SP140L: variants seen among roughly 807,000 people sequenced by gnomAD.
SP140L encodes the protein SP140 like nuclear body protein.
SP140L carries 64 observed loss-of-function variants against 84.3 expected under a neutral mutation model. The ratio of observed to expected loss-of-function variants is 0.76; its 90% CI spans 0.62 to 0.94. The LOEUF is 0.94. Among genes scored for constraint, SP140L ranks in the 40% least tolerant of loss-of-function variants. The probability of loss-of-function intolerance (pLI) is 0.00; values close to 1 mark genes in which losing one functional copy is unlikely to be tolerated. For synonymous variants in SP140L, 242 were observed against 236.9 expected, an observed-to-expected ratio of 1.02 and a Z score of -0.20; for missense variants, 628 against 692.5, an observed-to-expected ratio of 0.91 and a Z score of 1.05.
At position 230,334,577 on chromosome 2, in the gene SP140L, T is replaced by C. The variant is rs533496034; in HGVS notation, c.107+5746T>C. Among the ~76,000 whole-genome samples the C allele has an allele frequency of 5.3e-4, 81 of 152,360 alleles. 2 individuals are homozygous for C. In the South Asian group the frequency reaches 0.017, roughly 31 times the overall value. On this transcript the variant is annotated intron_variant, in intron 2 of 18. Transcript: ENST00000415673. ...CACATGATTTTTTCATCCATTCCAG[T>C]GTTGGATTTACATGTATTTTATTGT...
intron 2 of SP140L, among the ~76,000 whole-genome samples, chr2:230,329,143 C>T (rs1298813586): frequency 6.6e-6 from 1 of 152,180 alleles, no homozygotes; most frequent in Non-Finnish European, 1.5e-5. Flanking sequence ...GATGCACCCT[C>T]ATTATAAATA....
Position 230,357,887 on chromosome 2 carries a change from A to T in SP140L, c.190A>T (p.Ile64Leu). 6.2e-7 allele frequency: 1 copy of T among 1,614,136 alleles called. No individual in the cohort carries two copies. The highest frequency in any genetic ancestry group is 8.5e-7 in the Non-Finnish European group (1 of 1,179,952). Residue 64 changes from isoleucine (I) to leucine (L), a missense_variant, in exon 3 of 19, where the codon ATA (isoleucine) becomes TTA (leucine). This residue lies in a region of SP140L where 525 missense variants were observed against 518.4 expected (regional missense o/e 1.01). Coordinates refer to ENST00000415673, the MANE Select transcript of SP140L (RefSeq NM_138402.6). ...FKHFKRHKLE[I>L]SNAIKKTFPF... ...GCACTTCAAAAGACATAAGCTGGAG[A>T]TATCAAATGCAATAAAAAAGACATT... is the stretch of plus-strand genomic sequence containing the variant.
intron 2 of SP140L, among the ~76,000 whole-genome samples, chr2:230,345,013 G>T (rs1247367591): frequency 6.6e-6 from 1 of 152,138 alleles, no homozygotes; most frequent in Admixed American, 6.5e-5. Context: ...TGTCTTTTAG[G>T]TCCATTTGAT....
chr2:230,391,472 G>A (rs1266990609), intron 11 of SP140L, among the ~76,000 whole-genome samples: 7 of 152,162 alleles, frequency 4.6e-5, no homozygotes, highest in Admixed American at 3.3e-4. Context: ...AATGGCTGAT[G>A]GGGTTGACTA....
chr2:230,372,742 A>AAAG (rs2061124964), intron 7 of SP140L: 1 of 150,312 alleles, frequency 6.7e-6, no homozygotes, highest in African/African-American at 2.5e-5. Flanking sequence ...AAAAAAAAAA[A>AAAG]AAAAAGAAAG....
chr2:230,346,236 C>T (rs1305959715), intron 2 of SP140L, among the ~76,000 whole-genome samples: 1 of 152,106 alleles, frequency 6.6e-6, no homozygotes, highest in Non-Finnish European at 1.5e-5. Context: ...AGGAGGTTTC[C>T]ACTGAAAACT....
chr2:230,359,067 T>G lies in SP140L; in HGVS notation c.374T>G (p.Leu125Arg). The G allele has an allele frequency of 6.2e-7, 1 of 1,613,744 alleles. No individual in the cohort carries two copies. Among genetic ancestry groups the G allele is most frequent in the Non-Finnish European group, 8.5e-7 (1 of 1,179,904 alleles). ...TTTAACCTGTCAGTTTTGGAAGCAC[T>G]GTTCAGCGAGGTCAACATGCAGGAA... ...KTFNLSVLEA[L>R]FSEVNMQEYP... Residue 125 changes from leucine to arginine, a missense_variant, in exon 4 of 19, where the codon CTG (leucine) becomes CGG (arginine). Leu to Arg is a moderately radical substitution (Grantham distance 102, BLOSUM62 -2). This residue lies in a region of SP140L where 525 missense variants were observed against 518.4 expected (regional missense o/e 1.01). Transcript: ENST00000415673.
chr2:230,402,733 T>G (rs772435545), intron 18 of SP140L, 65 bp from the exon 19 acceptor site: 488 of 1,233,958 alleles, frequency 4.0e-4, no homozygotes, highest in Non-Finnish European at 4.6e-4. Context: ...TCATTCTCAG[T>G]TGAAAGGTAT....
intron 2 of SP140L, 74 bp from the exon 3 acceptor site, chr2:230,357,731 C>A: frequency 1.4e-6 from 2 of 1,445,450 alleles, no homozygotes; most frequent in South Asian, 1.3e-5. Flanking sequence ...ATCCGTTATA[C>A]ATAAAATCTT....
intron 15 of SP140L, chr2:230,400,644 G>A (rs2062285850): frequency 1.8e-6 from 1 of 553,078 alleles, no homozygotes; most frequent in South Asian, 2.0e-5. Flanking sequence ...GGAGTTGAAA[G>A]CCCAGTTTCT....
chr2:230,330,117 C>G (rs2059687153), intron 2 of SP140L, among the ~76,000 whole-genome samples: 1 of 152,130 alleles, frequency 6.6e-6, no homozygotes, highest in Admixed American at 6.5e-5. Flanking sequence ...GGCAGCTCAC[C>G]CTAAATATCC....
At chr2:230,358,342 T>G (rs771696697) in intron 3 of SP140L, among the ~76,000 whole-genome samples, 4 of 152,186 alleles carry the variant, frequency 2.6e-5, no homozygotes, top group Non-Finnish European at 4.4e-5. Flanking sequence ...CCACAGGGAA[T>G]TGGTGTCTAG....
intron 13 of SP140L, among the ~76,000 whole-genome samples, chr2:230,396,241 C>T (rs2062042533): frequency 6.6e-6 from 1 of 152,162 alleles, no homozygotes; most frequent in Non-Finnish European, 1.5e-5. Context: ...AACAGTAGTA[C>T]TTGGGCACTT....
chr2:230,394,990 A>ATT (rs149521097), intron 13 of SP140L, among the ~76,000 whole-genome samples: 155 of 149,826 alleles, frequency 1.0e-3, no homozygotes, highest in East Asian at 3.7e-3. Context: ...GACTCCAGTA[A>ATT]TTTTTTTTTT....
chr2:230,375,072 A>C (rs59495514), intron 7 of SP140L, among the ~76,000 whole-genome samples: 3,911 of 152,284 alleles, frequency 0.026, 178 homozygotes, highest in African/African-American at 0.088. Flanking sequence ...CAAATATATT[A>C]TCCTCCTCAT....
chr2:230,383,300 T>C (rs2061467084), intron 7 of SP140L, among the ~76,000 whole-genome samples: 3 of 152,310 alleles, frequency 2.0e-5, no homozygotes, highest in South Asian at 2.1e-4. Flanking sequence ...TCATCTCTTA[T>C]AGTCTCTCCC....
At chr2:230,343,269 G>T (rs1368686694) in intron 2 of SP140L, among the ~76,000 whole-genome samples, 1 of 147,424 alleles carries the variant, frequency 6.8e-6, no homozygotes, top group African/African-American at 2.5e-5. Context: ...AGAGTGTGTT[G>T]TTCCTCCCAT....
At chr2:230,381,943 G>A (rs6715044) in intron 7 of SP140L, among the ~76,000 whole-genome samples, 3,915 of 152,258 alleles carry the variant, frequency 0.026, 182 homozygotes, top group African/African-American at 0.089. Context: ...GAGCTTCCCT[G>A]AGTGGGATGT....
chr2:230,351,360 A>G (rs1268032922), intron 2 of SP140L, among the ~76,000 whole-genome samples: 2 of 152,158 alleles, frequency 1.3e-5, no homozygotes, highest in African/African-American at 2.4e-5. Context: ...ACGTATTCAT[A>G]TGTGTATTGG....
Sources: allele counts gnomAD v4.1 joint callset (sites outside exome capture counted in the v4.1 genomes callset), GRCh38; gene constraint gnomAD v4.1.1; regional missense constraint gnomAD v4.1.1; transcripts MANE v1.5; gene names NCBI Gene and HGNC (gene_info 2026-07-23, HGNC 2026-07-21).